The following FKBP4 variants were observed in gnomAD, a reference collection of about 807,000 sequenced individuals.
The protein encoded by FKBP4 is FKBP prolyl isomerase 4.
FKBP4 carries 28 observed loss-of-function variants against 54.1 expected under a neutral mutation model. That is an observed-to-expected ratio of 0.52 (90% CI 0.38 to 0.71). The LOEUF (loss-of-function observed/expected upper bound fraction) is 0.71. Among genes scored for constraint, FKBP4 ranks in the 30% least tolerant of loss-of-function variants. The pLI is 0.00. For missense variants in FKBP4, 493 were observed against 574.4 expected, an observed-to-expected ratio of 0.86 and a Z score of 1.45; for synonymous variants, 223 against 216.1, an observed-to-expected ratio of 1.03 and a Z score of -0.28.
At chr12:2,799,562 A>G (rs904232005) in intron 5 of FKBP4, among the ~76,000 whole-genome samples, 3 of 152,246 alleles carry the variant, frequency 2.0e-5, no homozygotes, top group Non-Finnish European at 2.9e-5. Flanking sequence ...ATAGGGCTTC[A>G]GAGACTAATA....
Position 2,798,694 on chromosome 12 carries a change from C to T in FKBP4, c.394-12C>T. On this transcript the variant is annotated splice_polypyrimidine_tract_variant and intron_variant, in intron 3 of 9. Transcript: ENST00000001008. This position sits in a 1 kb window ranked among gnomAD's most constrained non-coding sequence, Gnocchi z 4.3. ...AGCATGGGAAGGAATTGTGTCACAT[C>T]TTGTCCCACAGGTGGAGTTGTTTGA... 6.2e-7 allele frequency: 1 copy of T among 1,613,134 alleles called. No individual in the cohort carries two copies. Among genetic ancestry groups the T allele is most frequent in the Non-Finnish European group, 8.5e-7 (1 of 1,179,948 alleles).
At chr12:2,797,357 A>C in intron 2 of FKBP4, 75 bp downstream of exon 2, 1 of 1,555,042 alleles carries the variant, frequency 6.4e-7, no homozygotes, top group African/African-American at 1.4e-5. Flanking sequence ...CCATTTTCTC[A>C]GGACCAAGCT....
chr12:2,797,381 T>C, intron 2 of FKBP4, 99 bp downstream of exon 2: 1 of 1,392,542 alleles, frequency 7.2e-7, no homozygotes, highest in Non-Finnish European at 9.9e-7. Flanking sequence ...GGAGGAATGG[T>C]TTATCACAGT....
At chr12:2,799,971 G>A (rs2153919989) in intron 6 of FKBP4, 31 bp downstream of exon 6, 1 of 1,613,662 alleles carries the variant, frequency 6.2e-7, no homozygotes, top group East Asian at 2.2e-5. Flanking sequence ...CCCATCTAAA[G>A]TCAAGTTCCA....
chr12:2,796,105 G>A, intron 1 of FKBP4: 4 of 1,212,228 alleles, frequency 3.3e-6, no homozygotes, highest in South Asian at 2.9e-5. Context: ...GCAGGTTCCA[G>A]GGAGAATCAG....
intron 1 of FKBP4, chr12:2,796,518 A>G (rs888606365): frequency 6.7e-6 from 8 of 1,199,950 alleles, no homozygotes; most frequent in African/African-American, 3.2e-5. Flanking sequence ...TTTCTGGGAA[A>G]TACTCCAGCC....
intron 6 of FKBP4, 27 bp from the exon 7 acceptor site, chr12:2,800,012 C>T: frequency 1.2e-6 from 2 of 1,614,022 alleles, no homozygotes; most frequent in Non-Finnish European, 1.7e-6. Flanking sequence ...TAGCTGACAA[C>T]TTTGTTTCTC....
At chr12:2,801,607 G>A (rs535309688) in intron 9 of FKBP4, 2 of 583,414 alleles carry the variant, frequency 3.4e-6, no homozygotes, top group East Asian at 7.6e-5. Flanking sequence ...TTTTCTTGTG[G>A]GCCAGGCGCC....
Position 2,805,385 on chromosome 12 carries a change from G to GT in FKBP4, c.*2128dup. On this transcript the variant is annotated 3_prime_UTR_variant, in exon 10 of 10. Coordinates refer to ENST00000001008, the MANE Select transcript of FKBP4 (RefSeq NM_002014.4). Reference sequence around the variant, plus strand: ...CATCTAGAGATAAGTCTTAGTTTATGTAACATTAAAACTGTCTAGTGAGGA... The same window carrying GT: ...CATCTAGAGATAAGTCTTAGTTTATGTTAACATTAAAACTGTCTAGTGAGGA... 1 of 320,560 alleles carries GT rather than the reference G, an allele frequency of 3.1e-6. No homozygotes were observed. Among genetic ancestry groups the GT allele is most frequent in the South Asian group, 2.5e-5 (1 of 39,746 alleles). 19.9% of individuals were successfully genotyped at this position (320,560 alleles called of 1,614,324 possible). A position where few individuals can be genotyped will look rare whatever the true frequency, so the allele number is the denominator to read the frequency against.
Position 2,803,241 on chromosome 12 carries a change from G to A in FKBP4, c.1363G>A (p.Val455Met). 1.3e-6 allele frequency: 2 copies of A among 1,589,394 alleles called. No homozygotes were observed. Among genetic ancestry groups the A allele is most frequent in the Non-Finnish European group, 1.7e-6 (2 of 1,169,218 alleles). The change falls in exon 10 of 10, where the codon GTG becomes ATG. Residue 455 changes from valine to methionine, a missense_variant. Physicochemically the swap from Val to Met is conservative, Grantham distance 21. Coordinates refer to ENST00000001008, the MANE Select transcript of FKBP4 (RefSeq NM_002014.4). ...KSNTAGSQSQVETEA is the reference protein window; with the variant it reads ...KSNTAGSQSQMETEA ...CAACACGGCAGGGAGCCAGTCTCAG[G>A]TGGAGACAGAAGCATAGCCCCTCTC...
At position 2,795,067 on chromosome 12, in the gene FKBP4, A is replaced by C; in HGVS notation, c.-73A>C. The C allele has an allele frequency of 1.1e-6, 1 of 946,086 alleles. No individual in the cohort carries two copies. 58.6% of individuals were successfully genotyped at this position (946,086 alleles called of 1,614,324 possible). ...CCGGCCTCCCGCACGCCCCGCAGGT[A>C]GCGCCCCCGCCCGCGGCCCAGAGTG... On this transcript the variant is annotated 5_prime_UTR_variant, in exon 1 of 10. Transcript: ENST00000001008. The surrounding 1 kb of genome is among the most constrained non-coding windows in gnomAD (Gnocchi z 4.3).
At chr12:2,796,839 G>T in intron 1 of FKBP4, 1 of 1,179,364 alleles carries the variant, frequency 8.5e-7, no homozygotes, top group Non-Finnish European at 1.1e-6. Flanking sequence ...TATCATCACT[G>T]CTTTACAAAT....
chr12:2,801,651 A>T (rs1382191683), intron 9 of FKBP4: 1 of 517,628 alleles, frequency 1.9e-6, no homozygotes, highest in Non-Finnish European at 3.7e-6. Flanking sequence ...CACTTTGCAG[A>T]GCCAAAGTGG....
In FKBP4 at chr12:2,803,140, C is replaced by G; in HGVS notation, c.1273-11C>G. The G allele has an allele frequency of 6.3e-7, 1 of 1,588,946 alleles. No homozygotes were observed. Among genetic ancestry groups the G allele is most frequent in the Non-Finnish European group, 8.6e-7 (1 of 1,165,960 alleles). On this transcript the variant is annotated splice_polypyrimidine_tract_variant and intron_variant, in intron 9 of 9. Coordinates refer to ENST00000001008, the MANE Select transcript of FKBP4 (RefSeq NM_002014.4). ...GGAAGTCAGCCCGTTTGCTGTTCAT[C>G]TTCCTTGCAGGCCAAGGCAGAGGCT...
chr12:2,797,413 C>CT (rs376179985), intron 2 of FKBP4, 131 bp downstream of exon 2: 122,018 of 769,032 alleles, frequency 0.16, 1 homozygote, highest in South Asian at 0.21. Context: ...TTCGGTCACT[C>CT]TTTTTTTTTT....
At chr12:2,800,345 G>C in intron 7 of FKBP4, 47 bp from the exon 8 acceptor site, 1 of 1,567,938 alleles carries the variant, frequency 6.4e-7, no homozygotes, top group Non-Finnish European at 8.7e-7. Flanking sequence ...TAAGAGCCTA[G>C]TACCACTGAA....
chr12:2,796,013 G>C, intron 1 of FKBP4: 1 of 1,155,032 alleles, frequency 8.7e-7, no homozygotes, highest in African/African-American at 1.6e-5. Context: ...CTGCCGCCGA[G>C]TGACCGCTCG....
chr12:2,799,391 G>T (rs2097903574), intron 5 of FKBP4, 147 bp downstream of exon 5: 2 of 860,718 alleles, frequency 2.3e-6, no homozygotes, highest in Admixed American at 7.2e-5. Context: ...GTACTTAGAA[G>T]TATGGCCCAA....
intron 1 of FKBP4, chr12:2,796,730 A>G (rs2097902071): frequency 4.7e-6 from 5 of 1,065,702 alleles, no homozygotes; most frequent in Non-Finnish European, 2.3e-6. Context: ...AGAAGGAGGA[A>G]GTGTGGCATA....
Sources: allele counts gnomAD v4.1 joint callset (sites outside exome capture counted in the v4.1 genomes callset), GRCh38; gene constraint gnomAD v4.1.1; non-coding constraint Gnocchi (gnomAD v3.1); transcripts MANE v1.5; gene names NCBI Gene and HGNC (gene_info 2026-07-23, HGNC 2026-07-21).